Variants in ALDH7A1 observed in about 807,000 individuals in gnomAD.
ALDH7A1 encodes aldehyde dehydrogenase 7 family member A1.
Under a neutral mutation model 79.9 loss-of-function variants are expected in ALDH7A1, and 63 were observed. The observed-to-expected ratio is 0.79, with a 90% CI of 0.64 to 0.97. ALDH7A1 has a LOEUF of 0.97. ALDH7A1 is among the 50% of genes least tolerant of loss of function. ALDH7A1 has a pLI of 0.00. For missense variants in ALDH7A1, 627 were observed against 665.2 expected, an observed-to-expected ratio of 0.94 and a Z score of 0.63; for synonymous variants, 240 against 231.2, an observed-to-expected ratio of 1.04 and a Z score of -0.34.
At position 126,586,144 on chromosome 5, in the gene ALDH7A1, T is replaced by C. The variant is rs1421313891; in HGVS notation, c.313-2132A>G. On this transcript the variant is annotated intron_variant, in intron 3 of 17. Transcript: ENST00000409134. ...CATATACCAAGCTGTTCACAATGGT[T>C]TTTTGTGGGGAATGAAATTATAACA... is the stretch of plus-strand genomic sequence containing the variant. 3.3e-5 allele frequency: 5 copies of C among 152,232 alleles called. No individual in the cohort carries two copies. The East Asian group carries it at 9.6e-4, about 29-fold the overall frequency. The allele number at this position is 152,232 out of a possible 1,614,324, so 9.4% of individuals were successfully genotyped here. A position where few individuals can be genotyped will look rare whatever the true frequency, so the allele number is the denominator to read the frequency against.
intron 9 of ALDH7A1, among the ~76,000 whole-genome samples, chr5:126,565,909 C>T (rs7718426): frequency 0.037 from 5,596 of 152,306 alleles, 333 homozygotes; most frequent in African/African-American, 0.12. Flanking sequence ...AAGGGTTTAT[C>T]TCTGGACTTC....
At chr5:126,563,102 T>C in intron 9 of ALDH7A1, among the ~76,000 whole-genome samples, 1 of 152,190 alleles carries the variant, frequency 6.6e-6, no homozygotes, top group Non-Finnish European at 1.5e-5. Context: ...CTGTGTACCA[T>C]CTTAACCATT....
intron 17 of ALDH7A1, among the ~76,000 whole-genome samples, chr5:126,545,871 G>A (rs373954766): frequency 1.9e-3 from 281 of 150,440 alleles, no homozygotes; most frequent in African/African-American, 5.9e-3. Context: ...CCAGGACTTT[G>A]AGAGGCCGAG....
Position 126,541,967 on chromosome 5 carries a change from G to GAAAA in ALDH7A1, c.*2994_*2997dup, listed in dbSNP as rs5871217. On this transcript the variant is annotated 3_prime_UTR_variant, in exon 18 of 18. Transcript: ENST00000409134. ...AAAACATTTGTGGACCTTTCCAATAGAAAAAAAAAAAGAGCAAACTCTAAC... is the reference window on the plus strand; with the variant it reads ...AAAACATTTGTGGACCTTTCCAATAGAAAAAAAAAAAAAAAGAGCAAACTCTAAC... The GAAAA allele has an allele frequency of 1.4e-5, 2 of 147,148 alleles. No homozygotes were observed. The highest frequency in any genetic ancestry group is 4.0e-4 in the East Asian group (2 of 5,052). The allele number at this position is 147,148 out of a possible 1,614,324, so 9.1% of individuals were successfully genotyped here. A position where few individuals can be genotyped will look rare whatever the true frequency, so the allele number is the denominator to read the frequency against.
rs114251220 is a variant in ALDH7A1, at chr5:126,584,334, T to C, written c.313-322A>G. The C allele has an allele frequency of 5.3e-3, 1,834 of 345,066 alleles. 19 individuals carry two copies. Among genetic ancestry groups the C allele is most frequent in the African/African-American group, 0.021 (967 of 46,942 alleles). The allele number at this position is 345,066 out of a possible 1,614,324, so 21.4% of individuals were successfully genotyped here. ...GCTGAGACAGAGAAAAACAGCAAGA[T>C]TGGAGGGGAAATGGGTAAGTTACTT... On this transcript the variant is annotated intron_variant, in intron 3 of 17. Coordinates refer to ENST00000409134, the MANE Select transcript of ALDH7A1 (RefSeq NM_001182.5).
At chr5:126,574,669 T>C (rs1371520994) in intron 7 of ALDH7A1, among the ~76,000 whole-genome samples, 2 of 151,752 alleles carry the variant, frequency 1.3e-5, no homozygotes, top group East Asian at 1.9e-4. Flanking sequence ...GACTCCAGCC[T>C]GAGTGACAGA....
At chr5:126,570,105 A>G (rs967016648) in intron 8 of ALDH7A1, 7 of 152,474 alleles carry the variant, frequency 4.6e-5, no homozygotes, top group African/African-American at 1.2e-4. Flanking sequence ...AAATCCATAG[A>G]GACAGAAAAT....
chr5:126,573,696 CAA>C (rs1313411292), intron 7 of ALDH7A1, among the ~76,000 whole-genome samples: 24 of 105,774 alleles, frequency 2.3e-4, no homozygotes, highest in Middle Eastern at 5.4e-3. Context: ...GACTCAGTCT[CAA>C]AAAAAAAAAA....
intron 16 of ALDH7A1, among the ~76,000 whole-genome samples, chr5:126,548,177 A>G (rs1749856407): frequency 6.6e-6 from 1 of 152,148 alleles, no homozygotes; most frequent in Non-Finnish European, 1.5e-5. Flanking sequence ...ACAGGGTCAC[A>G]CTCACTCTGT....
intron 6 of ALDH7A1, among the ~76,000 whole-genome samples, chr5:126,575,754 C>A (rs774893683): frequency 6.6e-6 from 1 of 152,218 alleles, no homozygotes; most frequent in South Asian, 2.1e-4. Flanking sequence ...GTTATAGGAA[C>A]TGAGTGAAGC....
At chr5:126,590,195 A>G (rs562193605) in intron 3 of ALDH7A1, among the ~76,000 whole-genome samples, 6 of 112,228 alleles carry the variant, frequency 5.3e-5, no homozygotes, top group African/African-American at 1.0e-4. Context: ...CTGCCCGGCC[A>G]CCGCCCTGTC....
chr5:126,595,108 T>C lies in ALDH7A1; in HGVS notation c.91A>G (p.Thr31Ala). The change falls in exon 1 of 18, where the codon ACT becomes GCT. Residue 31 changes from threonine (T) to alanine (A), a missense_variant. By Grantham distance (58) the Thr-to-Ala change is moderately conservative (BLOSUM62 0). Coordinates refer to ENST00000409134, the MANE Select transcript of ALDH7A1 (RefSeq NM_001182.5). ...PWSRPAAFMSTLLINQPQYAW... is the reference protein window; with the variant it reads ...PWSRPAAFMSALLINQPQYAW... ...TACTGGGGCTGATTGATGAGGAGAG[T>C]GGACATGAAGGCGGCAGGCCTGCTC... 6.3e-7 allele frequency: 1 copy of C among 1,592,030 alleles called. No homozygotes were observed. The highest frequency in any genetic ancestry group is 8.6e-7 in the Non-Finnish European group (1 of 1,168,884).
At chr5:126,560,017 G>A (rs4835914) in intron 10 of ALDH7A1, among the ~76,000 whole-genome samples, 79,021 of 151,664 alleles carry the variant, frequency 0.52, 21,907 homozygotes, top group Middle Eastern at 0.64. Context: ...CTACAGCCTT[G>A]ACCTCCTGGG....
At chr5:126,576,210 C>T (rs1467084792) in intron 6 of ALDH7A1, among the ~76,000 whole-genome samples, 1 of 150,000 alleles carries the variant, frequency 6.7e-6, no homozygotes, top group African/African-American at 2.5e-5. Context: ...TTGCAGAGAG[C>T]CGAGACCGCG....
In ALDH7A1 at chr5:126,554,407, A is replaced by C. The variant is rs1057521816; in HGVS notation, c.1094-14T>G. On this transcript the variant is annotated splice_polypyrimidine_tract_variant and intron_variant, in intron 12 of 17. Transcript: ENST00000409134. ...AGAGAACATTAGCTGGAGAGAGAAAAGGAAGGCTGGCTCATCATTTTGCCC... is the reference window on the plus strand; with the variant it reads ...AGAGAACATTAGCTGGAGAGAGAAACGGAAGGCTGGCTCATCATTTTGCCC... 5.6e-6 allele frequency: 9 copies of C among 1,611,114 alleles called. No individual in the cohort carries two copies. Among genetic ancestry groups the C allele is most frequent in the Non-Finnish European group, 7.6e-6 (9 of 1,177,318 alleles).
At chr5:126,559,097 AAG>A (rs752700703) in intron 11 of ALDH7A1, 141 bp downstream of exon 11, 49 of 702,348 alleles carry the variant, frequency 7.0e-5, no homozygotes, top group Non-Finnish European at 1.2e-4. Flanking sequence ...TGAGCACAGA[AAG>A]AGAACTGGAC....
At position 126,582,989 on chromosome 5, in the gene ALDH7A1, C is replaced by G. The variant is rs766287925; in HGVS notation, c.394-15G>C. ...TCCAAAGACACCTAGAAATATAAAA[C>G]GACAAGCAGAATTTTTCCAACAGAA... On this transcript the variant is annotated splice_polypyrimidine_tract_variant and intron_variant, in intron 4 of 17. Transcript: ENST00000409134. The G allele has an allele frequency of 6.2e-7, 1 of 1,613,652 alleles. No homozygotes were observed. The highest frequency in any genetic ancestry group is 8.5e-7 in the Non-Finnish European group (1 of 1,179,876).
chr5:126,565,885 C>T (rs764435731), intron 9 of ALDH7A1, among the ~76,000 whole-genome samples: 1 of 152,244 alleles, frequency 6.6e-6, no homozygotes, highest in African/African-American at 2.4e-5. Context: ...CTTGACACAA[C>T]TGACCATAAA....
At chr5:126,564,986 A>G (rs1226385981) in intron 9 of ALDH7A1, among the ~76,000 whole-genome samples, 1 of 152,232 alleles carries the variant, frequency 6.6e-6, no homozygotes, top group Non-Finnish European at 1.5e-5. Context: ...TACTTAGCCA[A>G]GAACAACAAA....
Sources: allele counts gnomAD v4.1 joint callset (sites outside exome capture counted in the v4.1 genomes callset), GRCh38; gene constraint gnomAD v4.1.1; transcripts MANE v1.5; gene names NCBI Gene and HGNC (gene_info 2026-07-23, HGNC 2026-07-21).